Variants in NYAP2 observed in about 807,000 individuals in gnomAD.
NYAP2 encodes neuronal tyrosine-phosphorylated phosphoinositide-3-kinase adapter 2.
A neutral mutation model predicts 50.4 loss-of-function variants in NYAP2; 23 were observed. The ratio of observed to expected loss-of-function variants is 0.46; its 90% CI spans 0.33 to 0.65. The LOEUF (loss-of-function observed/expected upper bound fraction) is 0.65. NYAP2 is among the 30% of genes least tolerant of loss of function. The probability of loss-of-function intolerance (pLI) is 0.02; values close to 1 mark genes in which losing one functional copy is unlikely to be tolerated. For missense variants in NYAP2, 885 were observed against 861.0 expected, an observed-to-expected ratio of 1.03 and a Z score of -0.35; for synonymous variants, 394 against 365.2, an observed-to-expected ratio of 1.08 and a Z score of -0.90.
chr2:225,453,827 C>G (rs1689691030), intron 3 of NYAP2, among the ~76,000 whole-genome samples: 1 of 146,906 alleles, frequency 6.8e-6, no homozygotes, highest in African/African-American at 2.7e-5. Context: ...TCCACCACGC[C>G]CGGCTAATTT....
intron 4 of NYAP2, among the ~76,000 whole-genome samples, chr2:225,527,472 G>T (rs1028096381): frequency 1.3e-5 from 2 of 152,168 alleles, no homozygotes; most frequent in Non-Finnish European, 1.5e-5. Flanking sequence ...AGCTTACATA[G>T]TTGTTGGCAA....
chr2:225,401,847 A>G (rs1694868165), intron 2 of NYAP2, among the ~76,000 whole-genome samples: 1 of 151,800 alleles, frequency 6.6e-6, no homozygotes, highest in African/African-American at 2.4e-5. Context: ...TTTTTTTTCT[A>G]AATATAGCCG....
chr2:225,656,391 G>A (rs776719393), downstream of NYAP2, among the ~76,000 whole-genome samples: 5 of 152,078 alleles, frequency 3.3e-5, no homozygotes, highest in Admixed American at 2.0e-4. Flanking sequence ...TTGTCTCTTC[G>A]GGATTACTTA....
chr2:225,582,397 C>G lies in NYAP2; in HGVS notation c.980C>G (p.Pro327Arg), dbSNP rs1282839086. ...CTTTGCGACATCCCTCCGCCCTTCC[C>G]CAACCTGCTTTCTCACAGACCCCCG... Residue 327 changes from proline (P) to arginine (R), a missense_variant, in exon 5 of 7, where the codon CCC becomes CGC. By Grantham distance (103) the Pro-to-Arg change is moderately radical. Transcript: ENST00000636099. This position sits in a 1 kb window ranked among gnomAD's most constrained non-coding sequence, Gnocchi z 7.0. 3 of 1,607,780 alleles carry G rather than the reference C, an allele frequency of 1.9e-6. No individual in the cohort carries two copies. Among genetic ancestry groups the G allele is most frequent in the Non-Finnish European group, 2.6e-6 (3 of 1,175,456 alleles).
chr2:225,459,921 C>G (rs1438802648), intron 3 of NYAP2, among the ~76,000 whole-genome samples: 1 of 152,160 alleles, frequency 6.6e-6, no homozygotes, highest in East Asian at 1.9e-4. Flanking sequence ...ATCTGCCCAC[C>G]TCGGCCTCCC....
chr2:225,608,629 A>G (rs1003723897), intron 5 of NYAP2, among the ~76,000 whole-genome samples: 2 of 152,044 alleles, frequency 1.3e-5, no homozygotes, highest in Non-Finnish European at 2.9e-5. Flanking sequence ...TCAATTTTTT[A>G]AAAAAAGTAT....
the NYAP2 span, among the ~76,000 whole-genome samples, chr2:225,688,896 C>T: frequency 2.6e-5 from 4 of 152,100 alleles, no homozygotes; most frequent in Non-Finnish European, 5.9e-5. Context: ...GTGTACACCA[C>T]CGTGCCTGGC....
intron 5 of NYAP2, among the ~76,000 whole-genome samples, chr2:225,618,458 C>T (rs889587947): frequency 6.6e-6 from 1 of 152,110 alleles, no homozygotes; most frequent in South Asian, 2.1e-4. Flanking sequence ...TGGCAGGCTC[C>T]GAGGTCACTT....
At chr2:225,525,402 TGCA>T (rs2106193702) in intron 4 of NYAP2, among the ~76,000 whole-genome samples, 1 of 152,216 alleles carries the variant, frequency 6.6e-6, no homozygotes, top group East Asian at 1.9e-4. Context: ...ATAAAGAAAA[TGCA>T]GCATACACAT....
At chr2:225,515,977 G>C (rs1187804590) in intron 4 of NYAP2, among the ~76,000 whole-genome samples, 1 of 152,164 alleles carries the variant, frequency 6.6e-6, no homozygotes, top group African/African-American at 2.4e-5. Context: ...TCAATGCCTT[G>C]TTGGCAGAAA....
At chr2:225,599,958 C>A (rs73090843) in intron 5 of NYAP2, among the ~76,000 whole-genome samples, 2,174 of 152,248 alleles carry the variant, frequency 0.014, 67 homozygotes, top group African/African-American at 0.05. Flanking sequence ...AATGTAACCA[C>A]ACAACTGGTT....
chr2:225,605,235 T>A (rs977505832), intron 5 of NYAP2, among the ~76,000 whole-genome samples: 2 of 152,152 alleles, frequency 1.3e-5, no homozygotes, highest in Non-Finnish European at 2.9e-5. Context: ...TGAGTCTTAA[T>A]TAAAGTTGAT....
chr2:225,672,575 T>C, the NYAP2 span, among the ~76,000 whole-genome samples: 1 of 152,280 alleles, frequency 6.6e-6, no homozygotes, highest in East Asian at 1.9e-4. Context: ...TTAAGAACTT[T>C]TCCTTTGCAT....
intron 3 of NYAP2, among the ~76,000 whole-genome samples, chr2:225,441,264 C>A (rs1689466506): frequency 6.6e-6 from 1 of 152,136 alleles, no homozygotes; most frequent in African/African-American, 2.4e-5. Context: ...TAATCTCAGA[C>A]ATATAACTGG....
the NYAP2 span, among the ~76,000 whole-genome samples, chr2:225,697,078 T>C: frequency 1.1e-4 from 17 of 151,928 alleles, no homozygotes. Context: ...TTTAAACAAT[T>C]ATGTGGAAGC....
At chr2:225,686,722 G>A in the NYAP2 span, among the ~76,000 whole-genome samples, 1 of 152,114 alleles carries the variant, frequency 6.6e-6, no homozygotes, top group Non-Finnish European at 1.5e-5. Context: ...CAGTGAGTAA[G>A]CTATTTGGAG....
chr2:225,497,650 G>A (rs1690531607), intron 3 of NYAP2, among the ~76,000 whole-genome samples: 1 of 152,194 alleles, frequency 6.6e-6, no homozygotes, highest in African/African-American at 2.4e-5. Context: ...CATGGGGTAA[G>A]GTATTACTAC....
chr2:225,582,323 T>C lies in NYAP2; in HGVS notation c.906T>C (p.Pro302=). 6.2e-7 allele frequency: 1 copy of C among 1,614,018 alleles called. No individual in the cohort carries two copies. Among genetic ancestry groups the C allele is most frequent in the Non-Finnish European group, 8.5e-7 (1 of 1,179,890 alleles). Reference sequence around the variant, plus strand: ...CGCAGTGTGCTACTCCCACGGTGCCTGACTTGGACTTCGCCAAGGCCTCAG... The same window carrying C: ...CGCAGTGTGCTACTCCCACGGTGCCCGACTTGGACTTCGCCAAGGCCTCAG... Residue 302 remains proline, a synonymous_variant, in exon 5 of 7, where the codon CCT becomes CCC. Transcript: ENST00000636099. This position sits in a 1 kb window ranked among gnomAD's most constrained non-coding sequence, Gnocchi z 7.0.
intron 4 of NYAP2, among the ~76,000 whole-genome samples, chr2:225,518,554 AT>A (rs869269992): frequency 0.079 from 5,925 of 75,376 alleles, 1,196 homozygotes; most frequent in African/African-American, 0.14. Context: ...ATATATATAT[AT>A]ATATATATAT....
Sources: allele counts gnomAD v4.1 joint callset (sites outside exome capture counted in the v4.1 genomes callset), GRCh38; gene constraint gnomAD v4.1.1; non-coding constraint Gnocchi (gnomAD v3.1); transcripts MANE v1.5; gene names NCBI Gene and HGNC (gene_info 2026-07-23, HGNC 2026-07-21).